Variants in NCKAP5 observed in about 807,000 individuals in gnomAD.
The protein encoded by NCKAP5 is nck-associated protein 5.
Under a neutral mutation model 167.0 loss-of-function variants are expected in NCKAP5, and 92 were observed. The observed-to-expected ratio is 0.55, with a 90% CI of 0.47 to 0.66. The LOEUF (loss-of-function observed/expected upper bound fraction) is 0.66, where lower values mean the gene tolerates loss of function less well. Ranked by LOEUF, NCKAP5 falls within the 30% of genes least tolerant of loss-of-function variation. The pLI is 0.00. For missense variants in NCKAP5, 2,378 were observed against 2,315.0 expected (o/e 1.03, Z -0.56); for synonymous variants, 891 against 877.4 (o/e 1.02, Z -0.27).
In NCKAP5 at chr2:132,968,941, C is replaced by T. The variant is rs536387192; in HGVS notation, c.430-5072G>A. Among the ~76,000 whole-genome samples, 24 of 152,166 alleles carry T rather than the reference C, an allele frequency of 1.6e-4. 1 individual carries two copies. Among genetic ancestry groups the T allele is most frequent in the South Asian group, 4.2e-4 (2 of 4,810 alleles). ...AGAGAGTAGCAAAGGTGGGAATGTA[C>T]GAAGAGATTTCTAAAGCCAAGAAGG... On this transcript the variant is annotated intron_variant, in intron 7 of 19. Coordinates refer to ENST00000409261, the MANE Select transcript of NCKAP5 (RefSeq NM_207363.3).
chr2:133,656,286 A>C, the NCKAP5 span, among the ~76,000 whole-genome samples: 19 of 151,096 alleles, frequency 1.3e-4, no homozygotes, highest in East Asian at 2.1e-3. Flanking sequence ...AAAAAAAAAA[A>C]ACCATCTTTT....
At chr2:133,102,451 T>G (rs2149683924) in intron 6 of NCKAP5, among the ~76,000 whole-genome samples, 1 of 152,290 alleles carries the variant, frequency 6.6e-6, no homozygotes, top group East Asian at 1.9e-4. Flanking sequence ...CTGGCCTTTC[T>G]TTCTTTCAAT....
intron 16 of NCKAP5, among the ~76,000 whole-genome samples, chr2:132,751,377 T>C (rs1365078146): frequency 1.3e-5 from 2 of 152,152 alleles, no homozygotes; most frequent in Non-Finnish European, 2.9e-5. Flanking sequence ...GCACCATGCT[T>C]GTACGGCCTG....
intron 4 of NCKAP5, among the ~76,000 whole-genome samples, chr2:133,224,779 C>G (rs1008106827): frequency 2.6e-5 from 4 of 152,130 alleles, no homozygotes; most frequent in Admixed American, 2.6e-4. Context: ...CATATTAGAG[C>G]AAAAATTCGC....
chr2:132,738,200 C>T (rs918295398), intron 16 of NCKAP5, among the ~76,000 whole-genome samples: 2 of 152,188 alleles, frequency 1.3e-5, no homozygotes, highest in African/African-American at 4.8e-5. Context: ...GAGATAAGAT[C>T]ATTCAGAATT....
chr2:133,160,719 C>T (rs1326825170), intron 5 of NCKAP5, among the ~76,000 whole-genome samples: 2 of 152,124 alleles, frequency 1.3e-5, no homozygotes, highest in African/African-American at 4.8e-5. Flanking sequence ...ACAATTTACT[C>T]ACCCTTCCTG....
intron 3 of NCKAP5, among the ~76,000 whole-genome samples, chr2:133,461,955 T>C (rs62177695): frequency 0.27 from 41,498 of 152,112 alleles, 6,311 homozygotes; most frequent in African/African-American, 0.41. Context: ...TTTCCCTTTA[T>C]GTTTGAGGAT....
intron 19 of NCKAP5, among the ~76,000 whole-genome samples, chr2:132,706,790 C>T (rs1376404214): frequency 6.6e-6 from 1 of 152,010 alleles, no homozygotes; most frequent in Non-Finnish European, 1.5e-5. Context: ...ATGTGGAAAG[C>T]AGGTCTCACA....
At chr2:133,472,578 A>C (rs953997976) in intron 3 of NCKAP5, among the ~76,000 whole-genome samples, 1 of 152,062 alleles carries the variant, frequency 6.6e-6, no homozygotes, top group Non-Finnish European at 1.5e-5. Context: ...TTCGGCCCTT[A>C]GTAAGCTCAT....
intron 8 of NCKAP5, among the ~76,000 whole-genome samples, chr2:132,935,578 C>T (rs193296850): frequency 4.0e-5 from 6 of 151,854 alleles, no homozygotes; most frequent in South Asian, 2.1e-4. Flanking sequence ...TGTTCAGGGG[C>T]GAGTCTATCA....
chr2:133,307,151 A>G (rs1268765690), intron 3 of NCKAP5, among the ~76,000 whole-genome samples: 1 of 152,216 alleles, frequency 6.6e-6, no homozygotes, highest in Non-Finnish European at 1.5e-5. Context: ...TGTTAGAATT[A>G]CGAAACCCAC....
the NCKAP5 span, among the ~76,000 whole-genome samples, chr2:133,637,389 TA>T: frequency 1.5e-5 from 2 of 131,986 alleles, no homozygotes; most frequent in African/African-American, 5.6e-5. Flanking sequence ...AAATTATGCC[TA>T]AGGAAACAGG....
intron 3 of NCKAP5, among the ~76,000 whole-genome samples, chr2:133,345,696 T>C (rs1683923733): frequency 6.6e-6 from 1 of 152,160 alleles, no homozygotes; most frequent in Admixed American, 6.5e-5. Context: ...CCAAATCCTC[T>C]AGTAAGAGAG....
At chr2:133,029,653 T>C (rs533756815) in intron 6 of NCKAP5, among the ~76,000 whole-genome samples, 19 of 152,310 alleles carry the variant, frequency 1.2e-4, no homozygotes, top group African/African-American at 4.6e-4. Flanking sequence ...TTTTTATAAG[T>C]ATCTATTACA....
intron 6 of NCKAP5, among the ~76,000 whole-genome samples, chr2:133,069,438 T>G (rs1341416635): frequency 2.6e-5 from 4 of 152,246 alleles, no homozygotes; most frequent in African/African-American, 9.6e-5. Context: ...GTAGGCAATT[T>G]ACATGTTCCG....
intron 17 of NCKAP5, among the ~76,000 whole-genome samples, chr2:132,730,202 T>C (rs992926657): frequency 1.3e-5 from 2 of 152,106 alleles, no homozygotes; most frequent in Admixed American, 6.5e-5. Flanking sequence ...TTAATTAAGA[T>C]AGAACCCAAA....
chr2:133,104,860 C>G (rs769993280), intron 6 of NCKAP5, among the ~76,000 whole-genome samples: 1 of 152,200 alleles, frequency 6.6e-6, no homozygotes, highest in African/African-American at 2.4e-5. Flanking sequence ...CTGCTTCTTC[C>G]AGATGTGAAC....
chr2:133,533,675 A>T (rs1159893698), intron 2 of NCKAP5, among the ~76,000 whole-genome samples: 1 of 152,216 alleles, frequency 6.6e-6, no homozygotes, highest in African/African-American at 2.4e-5. Flanking sequence ...TGAAGTCAAA[A>T]TGTGGAAGCA....
intron 6 of NCKAP5, among the ~76,000 whole-genome samples, chr2:133,046,661 G>A (rs2079411557): frequency 6.6e-6 from 1 of 152,120 alleles, no homozygotes; most frequent in African/African-American, 2.4e-5. Context: ...TTACATGCAT[G>A]AGCCACTGCA....
Sources: gnomAD v4.1 joint callset for allele counts (sites outside exome capture counted in the v4.1 genomes callset) on GRCh38, gnomAD v4.1.1 for gene constraint, MANE v1.5 for transcripts, NCBI Gene and HGNC (gene_info 2026-07-23, HGNC 2026-07-21) for gene names.